KIAA1328: variants seen among roughly 807,000 people sequenced by gnomAD.
The protein encoded by KIAA1328 is protein hinderin.
In KIAA1328, 52 loss-of-function variants were observed where a neutral mutation model predicts 68.1. That is an observed-to-expected ratio of 0.76 (90% CI 0.61 to 0.96). The LOEUF (loss-of-function observed/expected upper bound fraction) is 0.96, where lower values mean the gene tolerates loss of function less well. Among genes scored for constraint, KIAA1328 ranks in the 40% least tolerant of loss-of-function variants. The probability of loss-of-function intolerance (pLI) is 0.00; values close to 1 mark genes in which losing one functional copy is unlikely to be tolerated. For synonymous variants in KIAA1328, 232 were observed against 239.4 expected (o/e 0.97, Z 0.28); for missense variants, 641 against 677.6 (o/e 0.95, Z 0.60).
At chr18:36,908,435 G>T (rs979328775) in intron 5 of KIAA1328, among the ~76,000 whole-genome samples, 6 of 152,060 alleles carry the variant, frequency 3.9e-5, no homozygotes, top group African/African-American at 1.4e-4. Context: ...TAGCTCACTC[G>T]CTCAAGCAAT....
rs573615974 is a variant in KIAA1328 at position 37,171,652 on chromosome 18, G to C, written c.1415-1321G>C. Among the ~76,000 whole-genome samples the C allele has an allele frequency of 1.0e-3, 155 of 152,210 alleles. 2 individuals are homozygous for C. Among genetic ancestry groups the C allele is most frequent in the African/African-American group, 3.7e-3 (153 of 41,526 alleles). The stretch of plus-strand genomic sequence containing the variant: ...ACTTGTTTGGGTTGAGGGTACCACA[G>C]ATTTCTATATATAAAGAAGAATGAA... On this transcript the variant is annotated intron_variant, in intron 8 of 9. Transcript: ENST00000280020.
intron 5 of KIAA1328, among the ~76,000 whole-genome samples, chr18:36,953,806 C>G (rs1000085796): frequency 1.2e-4 from 18 of 151,934 alleles, no homozygotes; most frequent in African/African-American, 4.1e-4. Flanking sequence ...CCAATAATGT[C>G]TTTTCTATTT....
At chr18:37,101,478 A>C (rs2057614695) in intron 7 of KIAA1328, among the ~76,000 whole-genome samples, 1 of 152,200 alleles carries the variant, frequency 6.6e-6, no homozygotes, top group Non-Finnish European at 1.5e-5. Flanking sequence ...AAAAGAATAA[A>C]AGGAAACGAA....
chr18:37,143,558 C>G (rs1360944492), intron 7 of KIAA1328, among the ~76,000 whole-genome samples: 1 of 46,314 alleles, frequency 2.2e-5, no homozygotes, highest in Non-Finnish European at 4.0e-5. Flanking sequence ...ATTTTATTGT[C>G]TAAGACTTTC....
chr18:36,856,118 G>T (rs551109080), intron 4 of KIAA1328, among the ~76,000 whole-genome samples: 1 of 151,814 alleles, frequency 6.6e-6, no homozygotes, highest in South Asian at 2.1e-4. Context: ...ATTTTCTCTT[G>T]TCTGATTTTA....
chr18:36,932,257 C>T (rs995312244), intron 5 of KIAA1328, among the ~76,000 whole-genome samples: 1 of 152,154 alleles, frequency 6.6e-6, no homozygotes, highest in Non-Finnish European at 1.5e-5. Flanking sequence ...GGGTCTCACT[C>T]TGTCACCCAG....
rs150001166 is a variant in KIAA1328, at chr18:36,913,370, A to AT, written c.448+27704dup. 2.3e-3 allele frequency among the ~76,000 whole-genome samples: 337 copies of AT among 149,594 alleles called. 1 individual carries two copies. Among genetic ancestry groups the AT allele is most frequent in the African/African-American group, 7.7e-3 (315 of 40,690 alleles). On this transcript the variant is annotated intron_variant, in intron 5 of 9. Coordinates refer to ENST00000280020, the MANE Select transcript of KIAA1328 (RefSeq NM_020776.3). ...CTTGTCTCTACAAAAAAAAAAAAAA[A>AT]TTTTTTAAGAACCTTGTAGATTTTC...
intron 7 of KIAA1328, among the ~76,000 whole-genome samples, chr18:37,089,217 C>G (rs892041074): frequency 1.3e-5 from 2 of 151,930 alleles, no homozygotes; most frequent in African/African-American, 4.8e-5. Flanking sequence ...TCTAGCCTAT[C>G]AAAATTCTAT....
chr18:36,834,953 G>A (rs1202980210), intron 2 of KIAA1328, among the ~76,000 whole-genome samples: 1 of 152,126 alleles, frequency 6.6e-6, no homozygotes, highest in African/African-American at 2.4e-5. Flanking sequence ...AGGATTGCTT[G>A]AGCCCAGGAG....
chr18:37,047,567 C>T (rs144465807), intron 6 of KIAA1328, among the ~76,000 whole-genome samples: 1 of 152,276 alleles, frequency 6.6e-6, no homozygotes, highest in East Asian at 1.9e-4. Context: ...ATATTTTCCA[C>T]TCTGCCAGAA....
intron 9 of KIAA1328, among the ~76,000 whole-genome samples, chr18:37,179,140 T>G (rs1449137033): frequency 6.6e-6 from 1 of 152,190 alleles, no homozygotes; most frequent in Non-Finnish European, 1.5e-5. Flanking sequence ...GGAAAGCATT[T>G]TCCTGACCAA....
At chr18:36,846,020 C>G (rs758299241) in intron 4 of KIAA1328, among the ~76,000 whole-genome samples, 1 of 151,582 alleles carries the variant, frequency 6.6e-6, no homozygotes, top group African/African-American at 2.4e-5. Context: ...TATTAACGTA[C>G]AAGTATATGG....
intron 7 of KIAA1328, among the ~76,000 whole-genome samples, chr18:37,127,732 G>A (rs939827095): frequency 5.3e-5 from 8 of 151,962 alleles, no homozygotes; most frequent in South Asian, 2.1e-4. Flanking sequence ...TAAAGCTTAC[G>A]GTAAAATTTA....
chr18:37,183,973 A>AC (rs2059745744), intron 9 of KIAA1328, among the ~76,000 whole-genome samples: 1 of 152,138 alleles, frequency 6.6e-6, no homozygotes, highest in African/African-American at 2.4e-5. Context: ...AAGGATGTGG[A>AC]CGTTATGAGC....
intron 3 of KIAA1328, among the ~76,000 whole-genome samples, chr18:36,836,145 C>G (rs2046667231): frequency 6.6e-6 from 1 of 152,080 alleles, no homozygotes; most frequent in Non-Finnish European, 1.5e-5. Flanking sequence ...ATTATGTTCT[C>G]AAAGATATTT....
chr18:37,092,505 G>A (rs573462268), intron 7 of KIAA1328, among the ~76,000 whole-genome samples: 9 of 151,966 alleles, frequency 5.9e-5, no homozygotes, highest in Admixed American at 4.6e-4. Context: ...CACCTGCCAC[G>A]ACTGATGCCC....
intron 6 of KIAA1328, among the ~76,000 whole-genome samples, chr18:36,969,338 G>A (rs946872931): frequency 2.0e-5 from 3 of 151,968 alleles, no homozygotes; most frequent in South Asian, 2.1e-4. Flanking sequence ...AAAGATAAAC[G>A]AAGCCAGGAG....
intron 7 of KIAA1328, among the ~76,000 whole-genome samples, chr18:37,098,885 ATTGTAGT>A (rs2057504702): frequency 1.3e-5 from 2 of 151,898 alleles, no homozygotes; most frequent in Non-Finnish European, 2.9e-5. Context: ...GTGTCCTCTG[ATTGTAGT>A]TTGTATTTCT....
intron 7 of KIAA1328, among the ~76,000 whole-genome samples, chr18:37,111,855 C>G (rs189033029): frequency 6.6e-6 from 1 of 152,226 alleles, no homozygotes; most frequent in Non-Finnish European, 1.5e-5. Flanking sequence ...TCTTAGCAAA[C>G]AGCACACCAG....
Sources: allele counts gnomAD v4.1 joint callset (sites outside exome capture counted in the v4.1 genomes callset), GRCh38; gene constraint gnomAD v4.1.1; transcripts MANE v1.5; gene names NCBI Gene and HGNC (gene_info 2026-07-23, HGNC 2026-07-21).